Variants in ZIC5 observed in about 807,000 individuals in gnomAD.
The protein encoded by ZIC5 is zinc finger protein ZIC 5.
Under a neutral mutation model 28.5 loss-of-function variants are expected in ZIC5, and 20 were observed. The ratio of observed to expected loss-of-function variants is 0.70; its 90% CI spans 0.49 to 1.02. ZIC5 has a LOEUF of 1.02. ZIC5 is among the 50% of genes least tolerant of loss of function. The probability of loss-of-function intolerance (pLI) is 0.00; values close to 1 mark genes in which losing one functional copy is unlikely to be tolerated. For synonymous variants in ZIC5, 488 were observed against 410.4 expected (o/e 1.19, Z -2.29); for missense variants, 951 against 899.7 (o/e 1.06, Z -0.73).
intron 1 of ZIC5, among the ~76,000 whole-genome samples, chr13:99,966,689 C>A (rs1398300435): frequency 1.3e-5 from 2 of 152,172 alleles, no homozygotes; most frequent in Non-Finnish European, 2.9e-5. Flanking sequence ...GTCAAAAAGA[C>A]CTTAAAAAAA....
In ZIC5 at chr13:99,964,103, TA is replaced by T. The variant is rs1389658146; in HGVS notation, c.*1273del. ...TCACACATTCATCAGTGTTTGGTGG[TA>T]ACTATAAACCTTTTAAAAATTTTTA... On this transcript the variant is annotated 3_prime_UTR_variant, in exon 2 of 2. Coordinates refer to ENST00000267294, the MANE Select transcript of ZIC5 (RefSeq NM_033132.5). 1 of 152,564 alleles carries T rather than the reference TA, an allele frequency of 6.6e-6. No homozygotes were observed. The highest frequency in any genetic ancestry group is 1.5e-5 in the Non-Finnish European group (1 of 68,034). 9.5% of individuals were successfully genotyped at this position (152,564 alleles called of 1,614,324 possible). A position where few individuals can be genotyped will look rare whatever the true frequency, so the allele number is the denominator to read the frequency against.
In ZIC5 at chr13:99,970,319, G is replaced by C. The variant is rs1433646600; in HGVS notation, c.1285C>G (p.Pro429Ala). 3 of 1,612,528 alleles carry C rather than the reference G, an allele frequency of 1.9e-6. No homozygotes were observed. The highest frequency in any genetic ancestry group is 1.7e-6 in the Non-Finnish European group (2 of 1,179,508). The change falls in exon 1 of 2, where the codon CCC becomes GCC. Residue 429 changes from proline to alanine, a missense_variant. This residue lies in a region of ZIC5 where 784 missense variants were observed against 660.1 expected (regional missense o/e 1.19). Transcript: ENST00000267294. ...AAGCAGACGTGGCTGCTCTGCTCGG[G>C]GCCTCCCACGTGCTCCACCGTGACG... is the stretch of plus-strand genomic sequence containing the variant. Reference protein sequence around the residue: ...NHVTVEHVGGPEQSSHVCFWE... With the variant: ...NHVTVEHVGGAEQSSHVCFWE...
In ZIC5 at chr13:99,963,112, G is replaced by A. The variant is rs1330811816; in HGVS notation, c.*2265C>T. On this transcript the variant is annotated 3_prime_UTR_variant, in exon 2 of 2. Coordinates refer to ENST00000267294, the MANE Select transcript of ZIC5 (RefSeq NM_033132.5). ...AGGTACACATTTTTTTTTATTTTAG[G>A]TGTATCAAGAACCAATAAATCTGTG... is the stretch of plus-strand genomic sequence containing the variant. 1 of 152,076 alleles carries A rather than the reference G, an allele frequency of 6.6e-6. No individual in the cohort carries two copies. Among genetic ancestry groups the A allele is most frequent in the African/African-American group, 2.4e-5 (1 of 41,310 alleles). The allele number at this position is 152,076 out of a possible 1,614,324, so 9.4% of individuals were successfully genotyped here. A position where few individuals can be genotyped will look rare whatever the true frequency, so the allele number is the denominator to read the frequency against.
chr13:99,967,771 G>A (rs967164544), intron 1 of ZIC5, among the ~76,000 whole-genome samples: 7 of 152,342 alleles, frequency 4.6e-5, no homozygotes, highest in Non-Finnish European at 1.0e-4. Context: ...AATAAAGGAA[G>A]AGGTGCACGG....
At position 99,965,781 on chromosome 13, in the gene ZIC5, T is replaced by A; in HGVS notation, c.1516A>T (p.Arg506Trp). Residue 506 changes from arginine to tryptophan, a missense_variant, in exon 2 of 2, where the codon AGG (arginine) becomes TGG (tryptophan). Physicochemically the swap from Arg to Trp is moderately radical, Grantham distance 101. Coordinates refer to ENST00000267294, the MANE Select transcript of ZIC5 (RefSeq NM_033132.5). Reference sequence around the variant, plus strand: ...CGATCACTGCTATTGGCAAACTTCCTGTCACAGCCATCAAATTCACATTTG... The same window carrying A: ...CGATCACTGCTATTGGCAAACTTCCAGTCACAGCCATCAAATTCACATTTG... ...PFKCEFDGCD[R>W]KFANSSDRKK... 1 of 1,613,968 alleles carries A rather than the reference T, an allele frequency of 6.2e-7. No homozygotes were observed. Among genetic ancestry groups the A allele is most frequent in the Non-Finnish European group, 8.5e-7 (1 of 1,179,844 alleles).
chr13:99,969,741 C>T (rs371560549), intron 1 of ZIC5, among the ~76,000 whole-genome samples: 1 of 151,952 alleles, frequency 6.6e-6, no homozygotes, highest in East Asian at 2.0e-4. Context: ...CCAGACTTCC[C>T]AGGGCCGGGC....
intron 1 of ZIC5, among the ~76,000 whole-genome samples, chr13:99,968,611 G>GCGCGCGGCCC (rs1287054351): frequency 1.3e-5 from 2 of 152,114 alleles, no homozygotes; most frequent in Non-Finnish European, 2.9e-5. Context: ...GCCCTAGGCC[G>GCGCGCGGCCC]CGCGCGGCCC....
In ZIC5 at chr13:99,971,120, C is replaced by T; in HGVS notation, c.484G>A (p.Gly162Ser). The change falls in exon 1 of 2, where the codon GGC becomes AGC. Residue 162 changes from glycine (G) to serine (S), a missense_variant. Gly to Ser is a moderately conservative substitution (Grantham distance 56). This residue lies in a region of ZIC5 where 784 missense variants were observed against 660.1 expected (regional missense o/e 1.19). Coordinates refer to ENST00000267294, the MANE Select transcript of ZIC5 (RefSeq NM_033132.5). ...CTGTGGCCTTTGCCGCTGCTGCCGC[C>T]GCCGCCACTGTTGGTGGTGGTGTAG... ...SGYTTTNSGG[G>S]GSSGKGHSRD... 4 of 1,431,574 alleles carry T rather than the reference C, an allele frequency of 2.8e-6. No individual in the cohort carries two copies. The highest frequency in any genetic ancestry group is 3.6e-6 in the Non-Finnish European group (4 of 1,101,512). 88.7% of individuals were successfully genotyped at this position (1,431,574 alleles called of 1,614,324 possible).
At chr13:99,968,196 A>C (rs972790704) in intron 1 of ZIC5, among the ~76,000 whole-genome samples, 2 of 151,940 alleles carry the variant, frequency 1.3e-5, no homozygotes, top group Non-Finnish European at 2.9e-5. Flanking sequence ...AGAAGTCCGG[A>C]TGGGCCCTCT....
At chr13:99,967,451 T>C (rs925316526) in intron 1 of ZIC5, among the ~76,000 whole-genome samples, 2 of 152,240 alleles carry the variant, frequency 1.3e-5, no homozygotes, top group Admixed American at 1.3e-4. Context: ...AAAACATCAG[T>C]GATTTGTCCT....
In ZIC5 at chr13:99,971,367, G is replaced by T; in HGVS notation, c.237C>A (p.Gly79=). 2.0e-6 allele frequency: 3 copies of T among 1,466,578 alleles called. No individual in the cohort carries two copies. Among genetic ancestry groups the T allele is most frequent in the Non-Finnish European group, 2.7e-6 (3 of 1,120,452 alleles). The allele number at this position is 1,466,578 out of a possible 1,614,324, so 90.8% of individuals were successfully genotyped here. Residue 79 remains glycine (G), a synonymous_variant, in exon 1 of 2, where the codon GGC becomes GGA. Coordinates refer to ENST00000267294, the MANE Select transcript of ZIC5 (RefSeq NM_033132.5). The part of the protein sequence containing the change: ...PEHMAQASTL[G]LSPPSQAFPA... ...GGAACGCCTGGGAGGGAGGGCTGAGGCCCAGCGTGCTCGCCTGGGCCATGT... is the reference window on the plus strand; with the variant it reads ...GGAACGCCTGGGAGGGAGGGCTGAGTCCCAGCGTGCTCGCCTGGGCCATGT...
intron 1 of ZIC5, among the ~76,000 whole-genome samples, chr13:99,969,779 G>T (rs1194851959): frequency 6.6e-6 from 1 of 152,182 alleles, no homozygotes; most frequent in African/African-American, 2.4e-5. Context: ...CGTCCTGGGC[G>T]CCTTCCTGCT....
intron 1 of ZIC5, among the ~76,000 whole-genome samples, chr13:99,969,799 G>C (rs2053132263): frequency 6.6e-6 from 1 of 152,228 alleles, no homozygotes; most frequent in Admixed American, 6.5e-5. Flanking sequence ...TCCAGCTGCT[G>C]CTGCGTCTGC....
In ZIC5 at chr13:99,970,930, G is replaced by C. The variant is rs969013017; in HGVS notation, c.674C>G (p.Ala225Gly). Residue 225 changes from alanine (A) to glycine (G), a missense_variant, in exon 1 of 2, where the codon GCG (alanine) becomes GGG (glycine). Ala to Gly is a moderately conservative substitution (Grantham distance 60). Coordinates refer to ENST00000267294, the MANE Select transcript of ZIC5 (RefSeq NM_033132.5). ...CGGGCCGCCGCTGCCGTCCGGGCCC[G>C]CGTAGGTGCCGCTGGCGGAGATGAA... ...GMFISASGTY[A>G]GPDGSGGPAL... is the part of the protein sequence containing the mutation. The C allele has an allele frequency of 1.4e-6, 2 of 1,387,118 alleles. No homozygotes were observed. Among genetic ancestry groups the C allele is most frequent in the South Asian group, 1.7e-5 (1 of 59,256 alleles). 85.9% of individuals were successfully genotyped at this position (1,387,118 alleles called of 1,614,324 possible).
At position 99,965,323 on chromosome 13, in the gene ZIC5, T is replaced by C. The variant is rs2053091042; in HGVS notation, c.*54A>G. The C allele has an allele frequency of 1.3e-6, 2 of 1,529,992 alleles. No individual in the cohort carries two copies. The highest frequency in any genetic ancestry group is 1.8e-5 in the Admixed American group (1 of 54,382). The allele number at this position is 1,529,992 out of a possible 1,614,324, so 94.8% of individuals were successfully genotyped here. A position where few individuals can be genotyped will look rare whatever the true frequency, so the allele number is the denominator to read the frequency against. ...GGCTCGGCATTGTCTCAGGTTAGGA[T>C]GTGGTCCAAGGACTCCCACTTATTA... On this transcript the variant is annotated 3_prime_UTR_variant, in exon 2 of 2. Coordinates refer to ENST00000267294, the MANE Select transcript of ZIC5 (RefSeq NM_033132.5).
At chr13:99,965,962 A>C in intron 1 of ZIC5, 143 bp from the exon 2 acceptor site, 3 of 933,226 alleles carry the variant, frequency 3.2e-6, no homozygotes, top group Non-Finnish European at 4.7e-6. Flanking sequence ...AATTCACAAA[A>C]GGGAAGGGAT....
chr13:99,969,981 G>A (rs1239949733), intron 1 of ZIC5, 146 bp downstream of exon 1: 5 of 1,251,564 alleles, frequency 4.0e-6, no homozygotes, highest in Non-Finnish European at 2.2e-6. Context: ...GAAGTCACAT[G>A]TCCGGGTTAT....
intron 1 of ZIC5, among the ~76,000 whole-genome samples, chr13:99,966,487 A>G (rs1594282008): frequency 6.6e-6 from 1 of 152,310 alleles, no homozygotes; most frequent in African/African-American, 2.4e-5. Context: ...CGATTTTTAC[A>G]GGGCTAGCTG....
intron 1 of ZIC5, among the ~76,000 whole-genome samples, chr13:99,967,758 TTAAA>T (rs2053110871): frequency 2.0e-5 from 3 of 151,804 alleles, no homozygotes; most frequent in Non-Finnish European, 4.4e-5. Flanking sequence ...AACATTAGAG[TTAAA>T]TAAAGGAAGA....
Sources: allele counts gnomAD v4.1 joint callset (sites outside exome capture counted in the v4.1 genomes callset), GRCh38; gene constraint gnomAD v4.1.1; regional missense constraint gnomAD v4.1.1; transcripts MANE v1.5; gene names NCBI Gene and HGNC (gene_info 2026-07-23, HGNC 2026-07-21).